TENM3: variants seen among roughly 807,000 people sequenced by gnomAD.
TENM3 encodes the protein teneurin transmembrane protein 3.
TENM3 carries 63 observed loss-of-function variants against 255.1 expected under a neutral mutation model. The ratio of observed to expected loss-of-function variants is 0.25; its 90% CI spans 0.20 to 0.30. The LOEUF is 0.30. Among genes scored for constraint, TENM3 ranks in the 10% least tolerant of loss-of-function variants. TENM3 has a pLI of 1.00. For missense variants in TENM3, 2,929 were observed against 3,461.1 expected, an observed-to-expected ratio of 0.85 and a Z score of 3.86; for synonymous variants, 1,306 against 1,322.3, an observed-to-expected ratio of 0.99 and a Z score of 0.27.
the TENM3 span, among the ~76,000 whole-genome samples, chr4:181,476,883 C>G: frequency 1.3e-5 from 2 of 152,194 alleles, no homozygotes; most frequent in Admixed American, 1.3e-4. Context: ...TGGCACTCAT[C>G]TCTCCAAATG....
At chr4:182,129,112 C>G in the TENM3 span, among the ~76,000 whole-genome samples, 2 of 152,288 alleles carry the variant, frequency 1.3e-5, no homozygotes, top group Middle Eastern at 3.4e-3. Context: ...AGACAGCTAG[C>G]GCTGTGCAAA....
intron 5 of TENM3, among the ~76,000 whole-genome samples, chr4:182,634,794 G>A (rs562094461): frequency 1.1e-4 from 17 of 151,548 alleles, no homozygotes; most frequent in Admixed American, 3.3e-4. Context: ...CATGTTCTGC[G>A]TCTGTTCACC....
At chr4:182,143,863 A>ACTACTGATTG (rs1749662513), upstream of TENM3, 1 of 152,584 alleles carries the variant, frequency 6.6e-6, no homozygotes, top group Admixed American at 6.5e-5. This position sits in a 1 kb window ranked among gnomAD's most constrained non-coding sequence, Gnocchi z 4.3. Flanking sequence ...CGGCGAGAGT[A>ACTACTGATTG]GTAAAGGCAC....
At chr4:182,667,406 G>A (rs902041819) in intron 6 of TENM3, among the ~76,000 whole-genome samples, 2 of 152,042 alleles carry the variant, frequency 1.3e-5, no homozygotes, top group Non-Finnish European at 2.9e-5. Flanking sequence ...GGCCGGGCTG[G>A]TCTCGAACTC....
At chr4:182,679,596 A>T in intron 7 of TENM3, 70 bp from the exon 8 acceptor site, 1 of 1,200,570 alleles carries the variant, frequency 8.3e-7, no homozygotes, top group Non-Finnish European at 1.2e-6. Flanking sequence ...GACAGATTGA[A>T]GAGAAAAAAA....
chr4:182,597,289 G>C (rs1220377605), intron 3 of TENM3, among the ~76,000 whole-genome samples: 1 of 152,042 alleles, frequency 6.6e-6, no homozygotes, highest in Non-Finnish European at 1.5e-5. Flanking sequence ...CATGCCTGTA[G>C]TTTCAGCTAC....
intron 20 of TENM3, among the ~76,000 whole-genome samples, chr4:182,753,232 GC>G (rs1181175508): frequency 1.3e-5 from 2 of 152,156 alleles, no homozygotes; most frequent in Non-Finnish European, 2.9e-5. Flanking sequence ...GCAGGCGTGA[GC>G]CACCATGCCC....
Position 182,513,250 on chromosome 4 carries a change from G to A in TENM3, c.512-87674G>A, listed in dbSNP as rs551223303. Among the ~76,000 whole-genome samples the A allele has an allele frequency of 9.2e-5, 14 of 152,060 alleles. No individual in the cohort carries two copies. In the South Asian group the frequency reaches 1.9e-3, roughly 20 times the overall value. On this transcript the variant is annotated intron_variant, in intron 3 of 27. Transcript: ENST00000511685. ...CAAGTAAGAAAAACCATATTCGTAC[G>A]GTGAAAGTTTATACTAGAAAACTAT...
At chr4:182,081,357 G>T in the TENM3 span, among the ~76,000 whole-genome samples, 2 of 151,846 alleles carry the variant, frequency 1.3e-5, no homozygotes, top group Non-Finnish European at 2.9e-5. Flanking sequence ...AGGCCGAGGC[G>T]GGTGGATCAC....
At chr4:181,939,594 G>C in the TENM3 span, among the ~76,000 whole-genome samples, 2 of 152,332 alleles carry the variant, frequency 1.3e-5, no homozygotes, top group East Asian at 3.9e-4. Context: ...GACCTCTTCC[G>C]TGATCTGTTT....
chr4:182,141,499 CAG>C (rs149946309), upstream of TENM3: 40,144 of 152,054 alleles, frequency 0.26, 6,563 homozygotes, highest in Non-Finnish European at 0.38. Flanking sequence ...GTGTGAGAGA[CAG>C]AGAGAGACCC....
the TENM3 span, among the ~76,000 whole-genome samples, chr4:181,890,933 G>A: frequency 1.3e-5 from 2 of 152,068 alleles, no homozygotes; most frequent in African/African-American, 2.4e-5. Flanking sequence ...TAAAAATAAT[G>A]GAACTAATTC....
rs1186386861 is a variant in TENM3, at chr4:182,334,496, G to A, written c.232+10244G>A. On this transcript the variant is annotated intron_variant, in intron 2 of 27. Transcript: ENST00000511685. ...TATTTTCAAATTTCTGGAAATAGCCGAAACCATATTTAAAAGTCAAATAGT... is the reference window on the plus strand; with the variant it reads ...TATTTTCAAATTTCTGGAAATAGCCAAAACCATATTTAAAAGTCAAATAGT... 4.6e-5 allele frequency among the ~76,000 whole-genome samples: 7 copies of A among 152,182 alleles called. No homozygotes were observed. In the South Asian group the frequency reaches 6.2e-4, roughly 14 times the overall value.
the TENM3 span, among the ~76,000 whole-genome samples, chr4:181,979,040 A>C: frequency 7.1e-6 from 1 of 140,274 alleles, no homozygotes; most frequent in Non-Finnish European, 1.5e-5. Flanking sequence ...TTTTTCCTAA[A>C]CTTAACTATT....
chr4:182,659,931 G>A (rs1442548386), intron 6 of TENM3, among the ~76,000 whole-genome samples: 1 of 152,168 alleles, frequency 6.6e-6, no homozygotes, highest in Non-Finnish European at 1.5e-5. Flanking sequence ...CTGATGTGGT[G>A]TCCTAGTTCT....
At chr4:182,591,991 C>T (rs940213447) in intron 3 of TENM3, among the ~76,000 whole-genome samples, 6 of 151,980 alleles carry the variant, frequency 3.9e-5, no homozygotes, top group Middle Eastern at 3.2e-3. Flanking sequence ...TAATTTTTTT[C>T]CTTCAGAGGG....
chr4:181,705,787 T>G, the TENM3 span, among the ~76,000 whole-genome samples: 1 of 152,132 alleles, frequency 6.6e-6, no homozygotes, highest in African/African-American at 2.4e-5. Flanking sequence ...AACAGTCATT[T>G]TACCTGATCT....
At chr4:182,156,662 A>G (rs1750726294) in intron 1 of TENM3, among the ~76,000 whole-genome samples, 1 of 152,210 alleles carries the variant, frequency 6.6e-6, no homozygotes, top group Non-Finnish European at 1.5e-5. Context: ...AAACCCTTAC[A>G]TTTAATTTGA....
Position 182,628,642 on chromosome 4 carries a change from T to C in TENM3, c.750-9T>C. 2 of 1,530,918 alleles carry C rather than the reference T, an allele frequency of 1.3e-6. No individual in the cohort carries two copies. Among genetic ancestry groups the C allele is most frequent in the Non-Finnish European group, 1.8e-6 (2 of 1,122,242 alleles). The allele number at this position is 1,530,918 out of a possible 1,614,324, so 94.8% of individuals were successfully genotyped here. A position where few individuals can be genotyped will look rare whatever the true frequency, so the allele number is the denominator to read the frequency against. On this transcript the variant is annotated splice_polypyrimidine_tract_variant and intron_variant, in intron 4 of 27. Transcript: ENST00000511685. ...TTGTATCTTATAATGATATTCTCCTTTTCCACAGGCATTTCCTATTCAAAA... is the reference window on the plus strand; with the variant it reads ...TTGTATCTTATAATGATATTCTCCTCTTCCACAGGCATTTCCTATTCAAAA...
Sources: gnomAD v4.1 joint callset for allele counts (sites outside exome capture counted in the v4.1 genomes callset) on GRCh38, gnomAD v4.1.1 for gene constraint, Gnocchi (gnomAD v3.1) non-coding constraint, MANE v1.5 for transcripts, NCBI Gene and HGNC (gene_info 2026-07-23, HGNC 2026-07-21) for gene names.